Variants in GRM8 observed in about 807,000 individuals in gnomAD.
GRM8 encodes glutamate metabotropic receptor 8, also known as metabotropic glutamate receptor 8.
In GRM8, 47 loss-of-function variants were observed where a neutral mutation model predicts 87.2. The ratio of observed to expected loss-of-function variants is 0.54; its 90% CI spans 0.43 to 0.69. The LOEUF is 0.69. Ranked by LOEUF, GRM8 falls within the 30% of genes least tolerant of loss-of-function variation. The pLI is 0.00. For synonymous variants in GRM8, 396 were observed against 404.5 expected, an observed-to-expected ratio of 0.98 and a Z score of 0.25; for missense variants, 1,019 against 1,139.2, an observed-to-expected ratio of 0.89 and a Z score of 1.52.
chr7:126,637,227 A>G (rs1161495253), intron 7 of GRM8, among the ~76,000 whole-genome samples: 3 of 152,122 alleles, frequency 2.0e-5, no homozygotes, highest in South Asian at 4.1e-4. Context: ...TATTTTTGAA[A>G]TAGTCATACA....
At chr7:127,089,358 G>A (rs1213960133) in intron 3 of GRM8, among the ~76,000 whole-genome samples, 1 of 152,202 alleles carries the variant, frequency 6.6e-6, no homozygotes. Flanking sequence ...CCTTGATTTT[G>A]GACTTCTGGC....
chr7:126,882,282 C>G (rs1294948061), intron 6 of GRM8, among the ~76,000 whole-genome samples: 2 of 151,910 alleles, frequency 1.3e-5, no homozygotes, highest in Non-Finnish European at 2.9e-5. Context: ...TTGGATTGAC[C>G]TAGAAATTTA....
chr7:127,003,720 G>A (rs961573587), intron 3 of GRM8, among the ~76,000 whole-genome samples: 1 of 151,702 alleles, frequency 6.6e-6, no homozygotes, highest in Non-Finnish European at 1.5e-5. Context: ...AATTATATCT[G>A]CTTTTAGTTT....
At chr7:127,140,436 TATA>T (rs772555530) in intron 2 of GRM8, among the ~76,000 whole-genome samples, 2 of 152,126 alleles carry the variant, frequency 1.3e-5, no homozygotes, top group African/African-American at 2.4e-5. Context: ...GAAAGGCAAA[TATA>T]ATATTTCTAC....
At chr7:127,188,948 G>A (rs1794880002) in intron 2 of GRM8, among the ~76,000 whole-genome samples, 1 of 152,192 alleles carries the variant, frequency 6.6e-6, no homozygotes, top group Admixed American at 6.5e-5. Context: ...CCAAAGCAGT[G>A]AAAGGAACTT....
At chr7:126,564,377 C>A (rs1394845924) in intron 8 of GRM8, among the ~76,000 whole-genome samples, 1 of 151,998 alleles carries the variant, frequency 6.6e-6, no homozygotes, top group East Asian at 1.9e-4. Context: ...CAGACTGAAC[C>A]AGAGTGAAGT....
intron 6 of GRM8, among the ~76,000 whole-genome samples, chr7:126,840,451 T>C (rs1034321933): frequency 3.3e-5 from 5 of 152,198 alleles, no homozygotes; most frequent in Non-Finnish European, 7.4e-5. Context: ...GATACAGTAT[T>C]TTCATCTTTT....
intron 6 of GRM8, among the ~76,000 whole-genome samples, chr7:126,807,008 C>G (rs1004223199): frequency 9.9e-5 from 15 of 152,212 alleles, no homozygotes; most frequent in African/African-American, 3.6e-4. Context: ...CCGAGGCCAA[C>G]AAGGAACCGA....
chr7:126,693,592 A>G (rs1200550178), intron 7 of GRM8, among the ~76,000 whole-genome samples: 1 of 152,178 alleles, frequency 6.6e-6, no homozygotes, highest in East Asian at 1.9e-4. Flanking sequence ...GTTTTCTAAC[A>G]TAAAAAGCTT....
At chr7:126,788,779 T>G (rs958295551) in intron 6 of GRM8, among the ~76,000 whole-genome samples, 4 of 133,626 alleles carry the variant, frequency 3.0e-5, no homozygotes, top group African/African-American at 1.0e-4. Flanking sequence ...TAGAGGTAGA[T>G]CTGGTCAGTT....
At chr7:126,549,638 C>T (rs1792356173) in intron 8 of GRM8, among the ~76,000 whole-genome samples, 2 of 152,078 alleles carry the variant, frequency 1.3e-5, no homozygotes, top group Non-Finnish European at 2.9e-5. Flanking sequence ...TTAGGAGAAA[C>T]TCTTATGATC....
intron 8 of GRM8, among the ~76,000 whole-genome samples, chr7:126,608,646 C>A (rs1348152561): frequency 6.6e-6 from 1 of 152,130 alleles, no homozygotes; most frequent in Non-Finnish European, 1.5e-5. Flanking sequence ...ATACATCAAC[C>A]TTCCCTGGTG....
chr7:126,518,453 T>C (rs1812495724), intron 9 of GRM8, among the ~76,000 whole-genome samples: 2 of 152,110 alleles, frequency 1.3e-5, no homozygotes, highest in Non-Finnish European at 2.9e-5. Flanking sequence ...GCAAGAAATT[T>C]ATAAATTAAT....
intron 2 of GRM8, among the ~76,000 whole-genome samples, chr7:127,150,146 T>C: frequency 6.6e-6 from 1 of 152,068 alleles, no homozygotes; most frequent in South Asian, 2.1e-4. Context: ...ATATATACAA[T>C]ACAATTTATT....
intron 6 of GRM8, chr7:126,869,323 T>C (rs1323332848): frequency 1.3e-5 from 2 of 152,226 alleles, no homozygotes; most frequent in Admixed American, 1.3e-4. Context: ...ATCAATTTCT[T>C]TTAAGACTAT....
At chr7:126,574,435 T>A (rs1243231033) in intron 8 of GRM8, among the ~76,000 whole-genome samples, 4 of 152,200 alleles carry the variant, frequency 2.6e-5, no homozygotes, top group Non-Finnish European at 5.9e-5. Context: ...ACTAAAGGGA[T>A]ATTAAAAAAG....
intron 3 of GRM8, among the ~76,000 whole-genome samples, chr7:126,959,553 A>T (rs1170891343): frequency 6.6e-6 from 1 of 152,224 alleles, no homozygotes; most frequent in Non-Finnish European, 1.5e-5. Flanking sequence ...AGGAAAATGT[A>T]TACTTTCTGG....
chr7:126,688,577 G>C (rs898353645), intron 7 of GRM8, among the ~76,000 whole-genome samples: 1 of 152,188 alleles, frequency 6.6e-6, no homozygotes, highest in Admixed American at 6.5e-5. Context: ...AGCTGAGCTA[G>C]ATGGCAATGA....
At chr7:127,222,023 T>C (rs539592484) in intron 2 of GRM8, among the ~76,000 whole-genome samples, 1 of 152,280 alleles carries the variant, frequency 6.6e-6, no homozygotes, top group East Asian at 1.9e-4. Context: ...CGGTGCTCCT[T>C]AGGGAGCAGA....
Sources: gnomAD v4.1 joint callset for allele counts (sites outside exome capture counted in the v4.1 genomes callset) on GRCh38, gnomAD v4.1.1 for gene constraint, MANE v1.5 for transcripts, NCBI Gene and HGNC (gene_info 2026-07-23, HGNC 2026-07-21) for gene names.